Variants in CDK14 observed in about 807,000 individuals in gnomAD.
The protein encoded by CDK14 is cyclin-dependent kinase 14.
CDK14 carries 34 observed loss-of-function variants against 60.7 expected under a neutral mutation model. That is an observed-to-expected ratio of 0.56 (90% CI 0.43 to 0.75). CDK14 has a LOEUF of 0.75. CDK14 is among the 30% of genes least tolerant of loss of function. CDK14 has a pLI of 0.00. For synonymous variants in CDK14, 197 were observed against 203.7 expected, an observed-to-expected ratio of 0.97 and a Z score of 0.28; for missense variants, 482 against 564.1, an observed-to-expected ratio of 0.85 and a Z score of 1.47.
intron 6 of CDK14, among the ~76,000 whole-genome samples, chr7:90,897,513 A>C (rs1792375438): frequency 6.6e-6 from 1 of 152,064 alleles, no homozygotes; most frequent in Non-Finnish European, 1.5e-5. Context: ...GCATTATTTT[A>C]AAAGAATACC....
At chr7:90,711,882 ATGT>A (rs775845347) in intron 2 of CDK14, among the ~76,000 whole-genome samples, 22,684 of 110,716 alleles carry the variant, frequency 0.2, 1,965 homozygotes, top group South Asian at 0.25. Flanking sequence ...ATAGTCTACT[ATGT>A]TTTTTTTTTT....
chr7:91,071,931 G>A (rs1323133813), intron 11 of CDK14, among the ~76,000 whole-genome samples: 1 of 152,194 alleles, frequency 6.6e-6, no homozygotes, highest in Non-Finnish European at 1.5e-5. Flanking sequence ...ACCTGACCCT[G>A]ACTCATCTTT....
chr7:91,120,175 G>C (rs1032138071), intron 14 of CDK14, among the ~76,000 whole-genome samples: 3 of 152,192 alleles, frequency 2.0e-5, no homozygotes, highest in Non-Finnish European at 4.4e-5. Context: ...TTGCAAGGCT[G>C]TGTTCCTCTT....
At chr7:90,771,868 C>G (rs1804796100) in intron 4 of CDK14, among the ~76,000 whole-genome samples, 1 of 152,182 alleles carries the variant, frequency 6.6e-6, no homozygotes, top group Non-Finnish European at 1.5e-5. Context: ...TCACTGGGAA[C>G]CCGTTCCTGT....
In CDK14 at chr7:91,010,829, C is replaced by CTTCCTTCCTTCCTTCT. The variant is rs1199154651; in HGVS notation, c.1041+26593_1041+26594insTCCTTCCTTCTTTCCT. Among the ~76,000 whole-genome samples the CTTCCTTCCTTCCTTCT allele has an allele frequency of 4.7e-3, 354 of 74,822 alleles. 1 individual carries two copies. The highest frequency in any genetic ancestry group is 0.018 in the African/African-American group (344 of 19,336). The allele number at this position is 74,822 out of a possible 152,430, so 49.1% of individuals were successfully genotyped here. A position where few individuals can be genotyped will look rare whatever the true frequency, so the allele number is the denominator to read the frequency against. On this transcript the variant is annotated intron_variant, in intron 10 of 14. Coordinates refer to ENST00000380050, the MANE Select transcript of CDK14 (RefSeq NM_001287135.2). ...CCTTCCTTCCTTCCTTCCTTCCTTCCTTCCTCCCTCCCTCCCTCCCTCCCT... is the reference window on the plus strand; with the variant it reads ...CCTTCCTTCCTTCCTTCCTTCCTTCCTTCCTTCCTTCCTTCTTTCCTCCCTCCCTCCCTCCCTCCCT...
At chr7:91,203,665 C>G (rs56320423) in intron 14 of CDK14, among the ~76,000 whole-genome samples, 2 of 152,032 alleles carry the variant, frequency 1.3e-5, no homozygotes, top group South Asian at 2.1e-4. Context: ...TCCCATTTAG[C>G]TGGAGTGGGC....
intron 2 of CDK14, chr7:90,692,728 G>T (rs1801577074): frequency 1.1e-6 from 1 of 871,556 alleles, no homozygotes; most frequent in Non-Finnish European, 1.4e-6. Context: ...ATTTCCAAAG[G>T]ATACTTTTAA....
At chr7:90,863,337 A>G in intron 6 of CDK14, 68 bp downstream of exon 6, 1 of 930,356 alleles carries the variant, frequency 1.1e-6, no homozygotes, top group Non-Finnish European at 1.7e-6. Context: ...GTGTTGTCAT[A>G]GAATTTCGTT....
intron 6 of CDK14, among the ~76,000 whole-genome samples, chr7:90,895,339 T>TCCTCTCCTCTCCTCTCCTCTCCTCA (rs1792265902): frequency 1.1e-5 from 1 of 87,982 alleles, no homozygotes. Flanking sequence ...TCCTCTCCTC[T>TCCTCTCCTCTCCTCTCCTCTCCTCA]CCTCTCCTCT....
At chr7:90,994,827 T>C (rs1331591059) in intron 10 of CDK14, among the ~76,000 whole-genome samples, 3 of 152,204 alleles carry the variant, frequency 2.0e-5, no homozygotes, top group Non-Finnish European at 4.4e-5. Flanking sequence ...TGCCATAGTG[T>C]GACACATCTG....
chr7:91,035,455 A>G (rs184225197), intron 10 of CDK14, among the ~76,000 whole-genome samples: 220 of 152,302 alleles, frequency 1.4e-3, no homozygotes, highest in African/African-American at 5.1e-3. Flanking sequence ...GTGGCTCCGC[A>G]TAAGTCAGTC....
intron 10 of CDK14, among the ~76,000 whole-genome samples, chr7:91,015,850 C>T (rs191095400): frequency 6.6e-6 from 1 of 151,550 alleles, no homozygotes; most frequent in Non-Finnish European, 1.5e-5. Flanking sequence ...CAACAAGCAT[C>T]CTAAAATGAT....
At chr7:91,123,483 C>T (rs1333405932) in intron 14 of CDK14, among the ~76,000 whole-genome samples, 1 of 152,080 alleles carries the variant, frequency 6.6e-6, no homozygotes, top group African/African-American at 2.4e-5. Flanking sequence ...ACATGACTGC[C>T]AATTAAAAAA....
In CDK14 at chr7:90,841,675, C is replaced by CACACACACACACAT. The variant is rs1790296695; in HGVS notation, c.545-21487_545-21486insTACACACACACACA. 2.6e-5 allele frequency among the ~76,000 whole-genome samples: 4 copies of CACACACACACACAT among 151,570 alleles called. No individual in the cohort carries two copies. The South Asian group carries it at 8.4e-4, about 32-fold the overall frequency. ...ATATATATGTACACACACACACACA[C>CACACACACACACAT]ACACACACACACACACAGGTGTCAG... On this transcript the variant is annotated intron_variant, in intron 5 of 14. Coordinates refer to ENST00000380050, the MANE Select transcript of CDK14 (RefSeq NM_001287135.2).
chr7:91,062,312 G>A (rs111660919), intron 11 of CDK14, among the ~76,000 whole-genome samples: 1 of 152,110 alleles, frequency 6.6e-6, no homozygotes, highest in African/African-American at 2.4e-5. Context: ...CCTTTCCTTG[G>A]CTGGGAAAGG....
At chr7:91,000,679 G>C (rs893668793) in intron 10 of CDK14, among the ~76,000 whole-genome samples, 4 of 152,198 alleles carry the variant, frequency 2.6e-5, no homozygotes, top group South Asian at 2.1e-4. Flanking sequence ...TTAGAAAACA[G>C]AAAGACAAAG....
At chr7:90,893,241 T>C (rs1434254537) in intron 6 of CDK14, among the ~76,000 whole-genome samples, 1 of 152,016 alleles carries the variant, frequency 6.6e-6, no homozygotes, top group Non-Finnish European at 1.5e-5. Flanking sequence ...GGCATAGCAA[T>C]GGTGATGGAG....
chr7:90,845,983 TA>T (rs1189452313), intron 5 of CDK14, among the ~76,000 whole-genome samples: 1 of 152,176 alleles, frequency 6.6e-6, no homozygotes, highest in African/African-American at 2.4e-5. Context: ...GCCCACCTTT[TA>T]TTTAACTCTC....
At chr7:91,071,324 C>T (rs1224733398) in intron 11 of CDK14, among the ~76,000 whole-genome samples, 2 of 152,202 alleles carry the variant, frequency 1.3e-5, no homozygotes, top group East Asian at 3.9e-4. Flanking sequence ...CCTGCACTGG[C>T]AACCAAGGTA....
Sources: allele counts gnomAD v4.1 joint callset (sites outside exome capture counted in the v4.1 genomes callset), GRCh38; gene constraint gnomAD v4.1.1; transcripts MANE v1.5; gene names NCBI Gene and HGNC (gene_info 2026-07-23, HGNC 2026-07-21).